Variants in WDHD1 observed in about 807,000 individuals in gnomAD.
The protein encoded by WDHD1 is WD repeat and HMG-box DNA-binding protein 1.
WDHD1 carries 111 observed loss-of-function variants against 135.4 expected under a neutral mutation model. The observed-to-expected ratio is 0.82, with a 90% CI of 0.70 to 0.96. WDHD1 has a LOEUF of 0.96. WDHD1 is among the 40% of genes least tolerant of loss of function. The pLI, the probability that WDHD1 is intolerant of heterozygous loss-of-function variation, is 0.00. For synonymous variants in WDHD1, 434 were observed against 439.0 expected (o/e 0.99, Z 0.14); for missense variants, 1,351 against 1,336.3 (o/e 1.01, Z -0.17).
chr14:55,002,237 G>A (rs764073413), intron 7 of WDHD1, 52 bp from the exon 8 acceptor site: 1 of 1,327,418 alleles, frequency 7.5e-7, no homozygotes, highest in Non-Finnish European at 1.0e-6. Flanking sequence ...AATTGAATTT[G>A]AAGAAGGAAA....
Position 55,027,049 on chromosome 14 carries a change from A to C in WDHD1, c.-38T>G. On this transcript the variant is annotated 5_prime_UTR_variant, in exon 1 of 26. Coordinates refer to ENST00000360586, the MANE Select transcript of WDHD1 (RefSeq NM_007086.4). ...TCACCCGGGTGACCGAGCCTCCGCC[A>C]CTGAGGATCCACAAGAGCTGCTTCC... The C allele has an allele frequency of 2.1e-6, 1 of 476,360 alleles. No individual in the cohort carries two copies. The allele number at this position is 476,360 out of a possible 1,614,324, so 29.5% of individuals were successfully genotyped here. A position where few individuals can be genotyped will look rare whatever the true frequency, so the allele number is the denominator to read the frequency against.
At chr14:54,960,040 G>C (rs537249912) in intron 21 of WDHD1, among the ~76,000 whole-genome samples, 2 of 152,138 alleles carry the variant, frequency 1.3e-5, no homozygotes, top group East Asian at 3.9e-4. Context: ...TTTACGCCCT[G>C]AACTCCTACA....
At position 54,987,035 on chromosome 14, in the gene WDHD1, C is replaced by T. The variant is rs931339952; in HGVS notation, c.1768+111G>A. The T allele has an allele frequency of 6.0e-5, 75 of 1,254,988 alleles. 1 individual carries two copies. The highest frequency in any genetic ancestry group is 7.3e-5 in the Non-Finnish European group (66 of 901,788). 77.7% of individuals were successfully genotyped at this position (1,254,988 alleles called of 1,614,324 possible). On this transcript the variant is annotated intron_variant, in intron 14 of 25. Coordinates refer to ENST00000360586, the MANE Select transcript of WDHD1 (RefSeq NM_007086.4). ...AAATTATCTACATTTAAAGATTACA[C>T]GGATTCAAAAGGAAGTATATAATCC...
intron 2 of WDHD1, among the ~76,000 whole-genome samples, chr14:55,014,501 GTC>G (rs1161524218): frequency 6.6e-6 from 1 of 152,276 alleles, no homozygotes; most frequent in Admixed American, 6.5e-5. Flanking sequence ...GCACCAAACA[GTC>G]TCTGACAGAA....
At chr14:55,021,741 C>T (rs2042352045) in intron 2 of WDHD1, among the ~76,000 whole-genome samples, 1 of 152,156 alleles carries the variant, frequency 6.6e-6, no homozygotes, top group Non-Finnish European at 1.5e-5. Context: ...TACTTCGCTC[C>T]CTTATCTTTT....
At chr14:54,975,839 AT>A (rs1258792132) in intron 16 of WDHD1, among the ~76,000 whole-genome samples, 2 of 152,130 alleles carry the variant, frequency 1.3e-5, no homozygotes, top group Admixed American at 6.5e-5. Context: ...TCTCAAATGA[AT>A]TTTTAAAAAT....
At chr14:54,946,013 T>G (rs1428723086) in intron 24 of WDHD1, among the ~76,000 whole-genome samples, 1 of 152,208 alleles carries the variant, frequency 6.6e-6, no homozygotes, top group East Asian at 1.9e-4. Context: ...TTAAGTAATC[T>G]TAACGTAAAC....
rs541009901 is a variant in WDHD1 at position 54,939,083 on chromosome 14, T to G, written c.*2407A>C. 6 of 152,210 alleles carry G rather than the reference T, an allele frequency of 3.9e-5. No homozygotes were observed. The East Asian group carries it at 1.2e-3, about 29-fold the overall frequency. The allele number at this position is 152,210 out of a possible 1,614,324, so 9.4% of individuals were successfully genotyped here. On this transcript the variant is annotated 3_prime_UTR_variant, in exon 26 of 26. Transcript: ENST00000360586. ...ATAAAATGTCAACAATAAGACAAAC[T>G]AGAGGAAGGATATACAGGTGCTTAC...
At chr14:54,983,530 G>A (rs1185743329) in intron 15 of WDHD1, among the ~76,000 whole-genome samples, 6 of 151,962 alleles carry the variant, frequency 3.9e-5, no homozygotes, top group African/African-American at 7.3e-5. Flanking sequence ...AAAATTAGCC[G>A]AGTGTGGTGA....
intron 10 of WDHD1, 147 bp from the exon 11 acceptor site, chr14:54,995,960 T>C (rs1747692332): frequency 1.7e-6 from 1 of 604,582 alleles, no homozygotes; most frequent in South Asian, 2.8e-5. Flanking sequence ...TAAATGTATT[T>C]ATGAGAATTG....
At chr14:55,005,844 T>G (rs2140219383) in intron 7 of WDHD1, among the ~76,000 whole-genome samples, 1 of 152,292 alleles carries the variant, frequency 6.6e-6, no homozygotes, top group South Asian at 2.1e-4. Flanking sequence ...GTTTTCTTTT[T>G]TTTTTCCTTA....
intron 7 of WDHD1, among the ~76,000 whole-genome samples, chr14:55,006,569 T>C (rs1465521501): frequency 5.3e-5 from 8 of 152,194 alleles, no homozygotes; most frequent in African/African-American, 1.7e-4. Flanking sequence ...TATACAAACA[T>C]TTCCTTTGCA....
chr14:55,013,194 CAAAAAAAA>C (rs71448422), intron 3 of WDHD1, among the ~76,000 whole-genome samples: 5,110 of 82,358 alleles, frequency 0.062, 459 homozygotes, highest in African/African-American at 0.25. Context: ...GATCCCGTTT[CAAAAAAAA>C]AAAAAAAAAA....
Position 55,013,599 on chromosome 14 carries a change from G to C in WDHD1, c.78-3C>G. 1 of 1,609,758 alleles carries C rather than the reference G, an allele frequency of 6.2e-7. No individual in the cohort carries two copies. ...CACTTCCACAAGTCACAATAAAACT[G>C]TGAAGAAAAGACACAAATTAAAGTC... On this transcript the variant is annotated splice_polypyrimidine_tract_variant and splice_region_variant and intron_variant, in intron 2 of 25. Coordinates refer to ENST00000360586, the MANE Select transcript of WDHD1 (RefSeq NM_007086.4).
At chr14:55,012,103 C>T (rs1248156450) in intron 3 of WDHD1, among the ~76,000 whole-genome samples, 1 of 152,042 alleles carries the variant, frequency 6.6e-6, no homozygotes. Flanking sequence ...TTCATCCTTG[C>T]CAATCTTATG....
rs372810047 is a variant in WDHD1, at chr14:54,952,325, G to A, written c.3050+3236C>T. Among the ~76,000 whole-genome samples the A allele has an allele frequency of 2.8e-3, 426 of 152,170 alleles. 2 individuals carry two copies. Among genetic ancestry groups the A allele is most frequent in the Non-Finnish European group, 3.4e-3 (228 of 67,996 alleles). On this transcript the variant is annotated intron_variant, in intron 24 of 25. Coordinates refer to ENST00000360586, the MANE Select transcript of WDHD1 (RefSeq NM_007086.4). ...GATACAAAATCAATGTGCAAAAATC[G>A]CAAGCATTCTTATACACCAATAACA...
chr14:55,018,793 C>T (rs1156547031), intron 2 of WDHD1, among the ~76,000 whole-genome samples: 4 of 152,230 alleles, frequency 2.6e-5, no homozygotes, highest in East Asian at 1.9e-4. Context: ...TGGTGGCTCA[C>T]GCCTGTAATC....
Position 55,009,309 on chromosome 14 carries a change from A to G in WDHD1, c.342-590T>C, listed in dbSNP as rs80351669. Among the ~76,000 whole-genome samples, 11 of 152,340 alleles carry G rather than the reference A, an allele frequency of 7.2e-5. No homozygotes were observed. The East Asian group carries it at 1.7e-3, about 24-fold the overall frequency. On this transcript the variant is annotated intron_variant, in intron 4 of 25. Transcript: ENST00000360586. Reference sequence around the variant, plus strand: ...CTAATTATAGCTACAACCATTTTTAAAAGTACTATACCTTTCACTTCACCT... The same window carrying G: ...CTAATTATAGCTACAACCATTTTTAGAAGTACTATACCTTTCACTTCACCT...
intron 16 of WDHD1, among the ~76,000 whole-genome samples, chr14:54,967,770 GC>G (rs1349603214): frequency 6.6e-6 from 1 of 152,038 alleles, no homozygotes; most frequent in African/African-American, 2.4e-5. Flanking sequence ...ACAGATATAT[GC>G]CACCATGCCT....
Sources: allele counts gnomAD v4.1 joint callset (sites outside exome capture counted in the v4.1 genomes callset), GRCh38; gene constraint gnomAD v4.1.1; transcripts MANE v1.5; gene names NCBI Gene and HGNC (gene_info 2026-07-23, HGNC 2026-07-21).